The following HPS3 variants were observed in gnomAD, a reference collection of about 807,000 sequenced individuals.
HPS3 encodes HPS3 biogenesis of lysosomal organelles complex 2 subunit 1.
HPS3 carries 79 observed loss-of-function variants against 110.9 expected under a neutral mutation model. The observed-to-expected ratio is 0.71, with a 90% CI of 0.59 to 0.86. HPS3 has a LOEUF of 0.86. HPS3 is among the 40% of genes least tolerant of loss of function. The pLI is 0.00. For synonymous variants in HPS3, 428 were observed against 451.0 expected (o/e 0.95, Z 0.65); for missense variants, 1,197 against 1,206.2 (o/e 0.99, Z 0.11).
chr3:149,139,735 C>T (rs551898978), intron 1 of HPS3, among the ~76,000 whole-genome samples: 2 of 152,304 alleles, frequency 1.3e-5, no homozygotes, highest in East Asian at 1.9e-4. Context: ...CTTAATTTTA[C>T]ATTTTATTCC....
At position 149,173,644 on chromosome 3, in the gene HPS3, A is replaced by G. The variant is rs555277984; in HGVS notation, c.*1422A>G. ...TCATTCCAAAGTAACATTCTATTTT[A>G]CACTTTCACATACATTGTTATGAAT... On this transcript the variant is annotated 3_prime_UTR_variant, in exon 17 of 17. Coordinates refer to ENST00000296051, the MANE Select transcript of HPS3 (RefSeq NM_032383.5). 3.0e-6 allele frequency: 3 copies of G among 992,384 alleles called. No individual in the cohort carries two copies. Among genetic ancestry groups the G allele is most frequent in the Non-Finnish European group, 3.1e-6 (2 of 650,082 alleles). The allele number at this position is 992,384 out of a possible 1,614,324, so 61.5% of individuals were successfully genotyped here. A position where few individuals can be genotyped will look rare whatever the true frequency, so the allele number is the denominator to read the frequency against.
At chr3:149,137,214 TA>T (rs1722164483) in intron 1 of HPS3, among the ~76,000 whole-genome samples, 1 of 151,826 alleles carries the variant, frequency 6.6e-6, no homozygotes. Context: ...GCAAAAAACA[TA>T]AGAAAAGATG....
chr3:149,141,239 G>A, intron 3 of HPS3, 51 bp downstream of exon 3: 1 of 1,588,144 alleles, frequency 6.3e-7, no homozygotes, highest in Non-Finnish European at 8.6e-7. Context: ...ATATATGCCT[G>A]CTTAAAGTAC....
chr3:149,155,782 C>T (rs1723424078), intron 8 of HPS3, among the ~76,000 whole-genome samples: 1 of 152,084 alleles, frequency 6.6e-6, no homozygotes, highest in Non-Finnish European at 1.5e-5. Context: ...TATATTCTTC[C>T]CAACCCTTTG....
rs779278329 is a variant in HPS3 at position 149,167,256 on chromosome 3, TTA to T, written c.2796+18_2796+19del. The T allele has an allele frequency of 6.3e-7, 1 of 1,591,828 alleles. No homozygotes were observed. Among genetic ancestry groups the T allele is most frequent in the Non-Finnish European group, 8.6e-7 (1 of 1,164,118 alleles). On this transcript the variant is annotated intron_variant, in intron 15 of 16. Coordinates refer to ENST00000296051, the MANE Select transcript of HPS3 (RefSeq NM_032383.5). Reference sequence around the variant, plus strand: ...AGAGAACCGGGTATGCTTTTTCAGATTATGTTTTTAGGCTTGATCAGTGATAA... The same window carrying T: ...AGAGAACCGGGTATGCTTTTTCAGATTGTTTTTAGGCTTGATCAGTGATAA...
rs199722122 is a variant in HPS3 at position 149,140,480 on chromosome 3, A to G, written c.694A>G (p.Ile232Val). 2.4e-4 allele frequency: 381 copies of G among 1,614,038 alleles called. No individual in the cohort carries two copies. The highest frequency in any genetic ancestry group is 3.0e-4 in the Non-Finnish European group (356 of 1,180,018). ...HHHPHKTNNR[I>V]RRTEEGISNE... Reference sequence around the variant, plus strand: ...CCATCCACATAAGACCAACAATCGAATAAGACGGACAGAAGAAGGTAAATA... The same window carrying G: ...CCATCCACATAAGACCAACAATCGAGTAAGACGGACAGAAGAAGGTAAATA... Residue 232 changes from isoleucine to valine, a missense_variant, in exon 2 of 17, where the codon ATA (isoleucine) becomes GTA (valine). Coordinates refer to ENST00000296051, the MANE Select transcript of HPS3 (RefSeq NM_032383.5).
intron 16 of HPS3, among the ~76,000 whole-genome samples, chr3:149,169,627 T>C (rs1319951756): frequency 3.3e-5 from 5 of 152,192 alleles, no homozygotes; most frequent in African/African-American, 1.2e-4. Context: ...GCCTCAGTTA[T>C]AACAAACAAA....
intron 10 of HPS3, among the ~76,000 whole-genome samples, chr3:149,159,793 G>A (rs888823357): frequency 1.3e-5 from 2 of 152,014 alleles, no homozygotes; most frequent in Non-Finnish European, 1.5e-5. Context: ...AATTAGAAAC[G>A]CTGGCCATAA....
chr3:149,162,997 T>C (rs1724042540), intron 13 of HPS3, 119 bp downstream of exon 13: 1 of 863,168 alleles, frequency 1.2e-6, no homozygotes, highest in Admixed American at 2.1e-5. Context: ...AGGTATCTTA[T>C]TTATGCAGGA....
At chr3:149,161,613 G>A (rs557414641) in intron 11 of HPS3, among the ~76,000 whole-genome samples, 68 of 149,574 alleles carry the variant, frequency 4.5e-4, no homozygotes, top group African/African-American at 1.0e-3. Context: ...AGGTTCAAGC[G>A]ATTCTCCTGC....
Position 149,163,955 on chromosome 3 carries a change from TAAAAATACCTCCTTTTCTTATG to T in HPS3, c.2589+10_2589+31del, listed in dbSNP as rs1237105017. The T allele has an allele frequency of 9.5e-6, 12 of 1,269,416 alleles. No homozygotes were observed. Among genetic ancestry groups the T allele is most frequent in the African/African-American group, 4.4e-5 (3 of 68,852 alleles). 78.6% of individuals were successfully genotyped at this position (1,269,416 alleles called of 1,614,324 possible). ...AAGATCTTTCAAAATTACAGGTAAG[TAAAAATACCTCCTTTTCTTATG>T]AAATTGCATATTACAATATAGTGTA... is the stretch of plus-strand genomic sequence containing the variant. On this transcript the variant is annotated splice_region_variant and intron_variant, in intron 14 of 16. Transcript: ENST00000296051.
chr3:149,162,584 A>G (rs991445422), intron 12 of HPS3, 106 bp from the exon 13 acceptor site: 1 of 1,255,340 alleles, frequency 8.0e-7, no homozygotes, highest in Non-Finnish European at 1.2e-6. Context: ...CTAATGGTAA[A>G]TTATTGATTG....
At chr3:149,141,602 C>T (rs1331131813) in intron 4 of HPS3, among the ~76,000 whole-genome samples, 1 of 143,260 alleles carries the variant, frequency 7.0e-6, no homozygotes, top group East Asian at 2.1e-4. Context: ...GGTGCGATCT[C>T]GGCTCACTGC....
intron 11 of HPS3, among the ~76,000 whole-genome samples, chr3:149,160,683 GC>G (rs1288922219): frequency 6.6e-6 from 1 of 152,186 alleles, no homozygotes; most frequent in Non-Finnish European, 1.5e-5. Flanking sequence ...TGCAGAAATA[GC>G]CCCCGCTTGG....
intron 16 of HPS3, among the ~76,000 whole-genome samples, chr3:149,169,314 T>C (rs1222080576): frequency 6.6e-6 from 1 of 152,158 alleles, no homozygotes; most frequent in Admixed American, 6.5e-5. Flanking sequence ...ATCTGGAGAA[T>C]TGGAACTGAG....
intron 1 of HPS3, among the ~76,000 whole-genome samples, chr3:149,139,271 T>C (rs1354930375): frequency 6.6e-6 from 1 of 152,222 alleles, no homozygotes; most frequent in Non-Finnish European, 1.5e-5. Context: ...TTGTTAAATA[T>C]ATTTAATATG....
Position 149,172,170 on chromosome 3 carries a change from C to A in HPS3, c.2963C>A (p.Thr988Lys), listed in dbSNP as rs1417222671. ...GTTCTCCCAGAAGATGGTACTGCAA[C>A]ATTTTTCTTGCCATATCTTCTCTAT... ...MNVLPEDGTA[T>K]FFLPYLLYCS... Residue 988 changes from threonine to lysine, a missense_variant, in exon 17 of 17, where the codon ACA (threonine) becomes AAA (lysine). Transcript: ENST00000296051. 1.2e-6 allele frequency: 2 copies of A among 1,613,454 alleles called. No homozygotes were observed. Among genetic ancestry groups the A allele is most frequent in the Non-Finnish European group, 8.5e-7 (1 of 1,179,426 alleles).
intron 1 of HPS3, among the ~76,000 whole-genome samples, chr3:149,134,427 T>C (rs1231830184): frequency 3.3e-5 from 5 of 152,206 alleles, no homozygotes; most frequent in Admixed American, 3.3e-4. Context: ...AGACAGATAA[T>C]ATGTTTACAT....
chr3:149,134,573 T>A (rs1023201703), intron 1 of HPS3, among the ~76,000 whole-genome samples: 15 of 152,202 alleles, frequency 9.9e-5, no homozygotes, highest in Non-Finnish European at 2.1e-4. Flanking sequence ...GGGGAGTTTT[T>A]AAAAATCTCT....
Sources: allele counts gnomAD v4.1 joint callset (sites outside exome capture counted in the v4.1 genomes callset), GRCh38; gene constraint gnomAD v4.1.1; transcripts MANE v1.5; gene names NCBI Gene and HGNC (gene_info 2026-07-23, HGNC 2026-07-21).